RPH3A: variants seen among roughly 807,000 people sequenced by gnomAD.
The protein encoded by RPH3A is rabphilin-3A.
RPH3A carries 48 observed loss-of-function variants against 102.2 expected under a neutral mutation model. The ratio of observed to expected loss-of-function variants is 0.47; its 90% CI spans 0.37 to 0.60. The LOEUF (loss-of-function observed/expected upper bound fraction) is 0.60, where lower values mean the gene tolerates loss of function less well. Among genes scored for constraint, RPH3A ranks in the 20% least tolerant of loss-of-function variants. The pLI is 0.00. For synonymous variants in RPH3A, 310 were observed against 324.3 expected, an observed-to-expected ratio of 0.96 and a Z score of 0.47; for missense variants, 781 against 910.1, an observed-to-expected ratio of 0.86 and a Z score of 1.83.
At chr12:112,613,935 T>G (rs1187526144) in intron 1 of RPH3A, among the ~76,000 whole-genome samples, 2 of 151,986 alleles carry the variant, frequency 1.3e-5, no homozygotes, top group African/African-American at 4.8e-5. Context: ...CAGAGTGAGA[T>G]CCTGTCTCTA....
chr12:112,661,455 T>A (rs1279596798), intron 1 of RPH3A, among the ~76,000 whole-genome samples: 1 of 152,188 alleles, frequency 6.6e-6, no homozygotes, highest in Non-Finnish European at 1.5e-5. Context: ...GAAATTTGTG[T>A]AGAGGACCTA....
At chr12:112,771,508 A>G (rs908831238) in intron 1 of RPH3A, among the ~76,000 whole-genome samples, 3 of 152,214 alleles carry the variant, frequency 2.0e-5, no homozygotes, top group Non-Finnish European at 4.4e-5. Context: ...ACTACAAACA[A>G]TGCTGCAATA....
At chr12:112,638,489 C>A (rs144357885) in intron 1 of RPH3A, among the ~76,000 whole-genome samples, 244 of 152,314 alleles carry the variant, frequency 1.6e-3, no homozygotes, top group Middle Eastern at 0.01. Flanking sequence ...ATACTCCTAT[C>A]TCTAATCAAC....
intron 1 of RPH3A, among the ~76,000 whole-genome samples, chr12:112,726,491 C>T (rs1176820162): frequency 1.3e-5 from 2 of 152,162 alleles, no homozygotes; most frequent in African/African-American, 2.4e-5. Context: ...GTATTCACCC[C>T]TCTCTAATGA....
At chr12:112,678,601 G>A (rs1439211000) in intron 1 of RPH3A, among the ~76,000 whole-genome samples, 1 of 152,092 alleles carries the variant, frequency 6.6e-6, no homozygotes, top group African/African-American at 2.4e-5. Flanking sequence ...CTCATCTCCT[G>A]TTAAAATCTA....
intron 1 of RPH3A, among the ~76,000 whole-genome samples, chr12:112,640,813 C>T (rs1332243754): frequency 2.2e-4 from 33 of 152,172 alleles, no homozygotes; most frequent in Non-Finnish European, 5.9e-5. Flanking sequence ...TAGTCTCTGA[C>T]GTCTCTTCCT....
intron 1 of RPH3A, among the ~76,000 whole-genome samples, chr12:112,626,769 T>C (rs1592914340): frequency 1.7e-5 from 1 of 58,770 alleles, no homozygotes; most frequent in Non-Finnish European, 3.1e-5. Context: ...CGTATGTTTA[T>C]TGCAGCATTA....
intron 1 of RPH3A, among the ~76,000 whole-genome samples, chr12:112,713,057 T>C (rs1044032271): frequency 2.3e-3 from 194 of 85,688 alleles, no homozygotes; most frequent in Middle Eastern, 4.5e-3. Flanking sequence ...TTCTCCTTCT[T>C]CTTCTTCTTC....
intron 1 of RPH3A, among the ~76,000 whole-genome samples, chr12:112,678,232 CGAAAGAAAGAAAGAAA>C (rs757546615): frequency 0.038 from 2,856 of 74,668 alleles, 218 homozygotes; most frequent in Admixed American, 0.1. Flanking sequence ...AAGACCCTGT[CGAAAGAAAGAAAGAAA>C]GAAAGAAAGA....
At chr12:112,597,095 T>G (rs967161757) in intron 1 of RPH3A, among the ~76,000 whole-genome samples, 2 of 152,180 alleles carry the variant, frequency 1.3e-5, no homozygotes, top group Non-Finnish European at 2.9e-5. Context: ...ACTTAATATA[T>G]CTGCATAAAA....
chr12:112,727,810 G>A (rs2040605341), intron 1 of RPH3A, among the ~76,000 whole-genome samples: 1 of 152,116 alleles, frequency 6.6e-6, no homozygotes, highest in African/African-American at 2.4e-5. Context: ...ACCACACAGT[G>A]TCTATTTCAC....
intron 1 of RPH3A, among the ~76,000 whole-genome samples, chr12:112,724,331 C>T (rs1175117474): frequency 2.6e-5 from 4 of 152,174 alleles, no homozygotes; most frequent in South Asian, 2.1e-4. Flanking sequence ...TCTGAAAGTG[C>T]TGGACTTACA....
intron 1 of RPH3A, among the ~76,000 whole-genome samples, chr12:112,627,081 G>A (rs1479714114): frequency 9.0e-6 from 1 of 111,728 alleles, no homozygotes; most frequent in Non-Finnish European, 1.8e-5. Context: ...AGGGGGGAGG[G>A]ATAGCATTGG....
chr12:112,583,935 G>A (rs530557388), intron 1 of RPH3A, among the ~76,000 whole-genome samples: 8 of 152,244 alleles, frequency 5.3e-5, no homozygotes, highest in Admixed American at 2.0e-4. Flanking sequence ...GCAGTGAGCC[G>A]ATATTGTGCC....
At chr12:112,871,424 C>T (rs2042706223) in intron 10 of RPH3A, among the ~76,000 whole-genome samples, 1 of 152,152 alleles carries the variant, frequency 6.6e-6, no homozygotes, top group Non-Finnish European at 1.5e-5. Context: ...CTAGGTACTG[C>T]GTATCAGTAG....
At chr12:112,872,634 C>A (rs1490756455) in intron 10 of RPH3A, among the ~76,000 whole-genome samples, 1 of 152,130 alleles carries the variant, frequency 6.6e-6, no homozygotes, top group Non-Finnish European at 1.5e-5. Context: ...AATCTAAGAT[C>A]ATGAAGAAGT....
chr12:112,662,810 C>A (rs2040057904), intron 1 of RPH3A, among the ~76,000 whole-genome samples: 2 of 150,972 alleles, frequency 1.3e-5, no homozygotes, highest in Non-Finnish European at 2.9e-5. Context: ...ACCCATGGGT[C>A]ATAGTTGGCC....
chr12:112,637,811 G>C (rs1052238798), intron 1 of RPH3A, among the ~76,000 whole-genome samples: 1 of 152,106 alleles, frequency 6.6e-6, no homozygotes, highest in African/African-American at 2.4e-5. Context: ...CCCGAAGGCA[G>C]AAGCTTCTGG....
intron 1 of RPH3A, among the ~76,000 whole-genome samples, chr12:112,733,579 G>A (rs904252812): frequency 2.6e-5 from 4 of 152,136 alleles, no homozygotes; most frequent in Non-Finnish European, 4.4e-5. Flanking sequence ...CAGAAGTGAC[G>A]AGGCCTTAGT....
Sources: allele counts gnomAD v4.1 joint callset (sites outside exome capture counted in the v4.1 genomes callset), GRCh38; gene constraint gnomAD v4.1.1; transcripts MANE v1.5; gene names NCBI Gene and HGNC (gene_info 2026-07-23, HGNC 2026-07-21).